The following FAM193A variants were observed in gnomAD, a reference collection of about 807,000 sequenced individuals.
FAM193A encodes the protein protein FAM193A.
FAM193A carries 22 observed loss-of-function variants against 126.5 expected under a neutral mutation model. The ratio of observed to expected loss-of-function variants is 0.17; its 90% CI spans 0.12 to 0.25. The LOEUF (loss-of-function observed/expected upper bound fraction) is 0.25. Ranked by LOEUF, FAM193A falls within the 10% of genes least tolerant of loss-of-function variation. The probability of loss-of-function intolerance (pLI) is 1.00; values close to 1 mark genes in which losing one functional copy is unlikely to be tolerated. For synonymous variants in FAM193A, 761 were observed against 646.8 expected (o/e 1.18, Z -2.68); for missense variants, 1,675 against 1,672.8 (o/e 1.00, Z -0.02).
intron 1 of FAM193A, among the ~76,000 whole-genome samples, chr4:2,589,991 C>T (rs567232420): frequency 1.5e-3 from 224 of 151,598 alleles, no homozygotes; most frequent in Non-Finnish European, 2.1e-3. Flanking sequence ...AAAAACTAGC[C>T]GGGCATGGTG....
intron 5 of FAM193A, among the ~76,000 whole-genome samples, chr4:2,638,765 A>G (rs974298786): frequency 1.3e-5 from 2 of 152,180 alleles, no homozygotes; most frequent in African/African-American, 2.4e-5. Context: ...CATACCAACT[A>G]GGGTTATTAG....
chr4:2,653,605 G>A (rs549484638), intron 7 of FAM193A, among the ~76,000 whole-genome samples: 79 of 152,062 alleles, frequency 5.2e-4, no homozygotes, highest in Non-Finnish European at 9.6e-4. Context: ...CACCACGCCC[G>A]GCTAATTTTT....
chr4:2,603,148 A>G (rs1393489778), intron 2 of FAM193A, among the ~76,000 whole-genome samples: 1 of 145,816 alleles, frequency 6.9e-6, no homozygotes, highest in Non-Finnish European at 1.5e-5. Flanking sequence ...TTGTGTGTAT[A>G]TATATATGTA....
intron 1 of FAM193A, among the ~76,000 whole-genome samples, chr4:2,575,401 G>T (rs950776040): frequency 6.6e-6 from 1 of 152,036 alleles, no homozygotes; most frequent in Non-Finnish European, 1.5e-5. Context: ...TTTTGAAGAT[G>T]CAGTTTATTA....
intron 1 of FAM193A, among the ~76,000 whole-genome samples, chr4:2,565,070 G>A (rs897802886): frequency 4.5e-4 from 69 of 151,970 alleles, no homozygotes; most frequent in African/African-American, 1.5e-3. Context: ...AAGTACTGGG[G>A]GAGTATAGGA....
In FAM193A at chr4:2,700,284, C is replaced by T. The variant is rs367937347; in HGVS notation, c.4112C>T (p.Thr1371Ile). The change falls in exon 19 of 21, where the codon ACT (threonine) becomes ATT (isoleucine). Residue 1371 changes from threonine (T) to isoleucine (I), a missense_variant. Coordinates refer to ENST00000637812, the MANE Select transcript of FAM193A (RefSeq NM_001366318.2). ...TEGQSKPRAQTESKAKVVDLM... is the reference protein window; with the variant it reads ...TEGQSKPRAQIESKAKVVDLM... ...GGGCAGTCCAAGCCCCGGGCCCAGA[C>T]TGAGTCAAAGGCTAAGGTGGTCGAC... 1.4e-5 allele frequency: 22 copies of T among 1,613,994 alleles called. No homozygotes were observed. The African/African-American group carries it at 2.8e-4, about 21-fold the overall frequency.
At chr4:2,612,978 A>G (rs935780333) in intron 2 of FAM193A, among the ~76,000 whole-genome samples, 26 of 152,224 alleles carry the variant, frequency 1.7e-4, no homozygotes, top group African/African-American at 6.3e-4. Context: ...TTTAACTGGC[A>G]TTGTGTTGAC....
intron 20 of FAM193A, among the ~76,000 whole-genome samples, chr4:2,723,542 C>G (rs537518923): frequency 5.3e-5 from 8 of 151,324 alleles, no homozygotes; most frequent in African/African-American, 1.7e-4. Flanking sequence ...CCACTGCACT[C>G]CAGCCTGGGC....
chr4:2,608,274 G>A (rs1452592316), intron 2 of FAM193A: 4 of 663,434 alleles, frequency 6.0e-6, no homozygotes, highest in Non-Finnish European at 1.0e-5. Context: ...CACCTCCTGT[G>A]TTCAAGCAAC....
chr4:2,618,841 C>T (rs774637206), intron 2 of FAM193A, among the ~76,000 whole-genome samples: 1 of 151,766 alleles, frequency 6.6e-6, no homozygotes, highest in Non-Finnish European at 1.5e-5. Flanking sequence ...GTGATCTGCC[C>T]ACCCTCGGCC....
chr4:2,731,194 CTCA>C (rs1721338567), intron 20 of FAM193A, among the ~76,000 whole-genome samples: 4 of 67,004 alleles, frequency 6.0e-5, no homozygotes, highest in African/African-American at 2.7e-4. Flanking sequence ...GAAACTCCTT[CTCA>C]AAAAAAAAAA....
intron 20 of FAM193A, among the ~76,000 whole-genome samples, chr4:2,727,305 G>A (rs1720871824): frequency 6.6e-6 from 1 of 152,186 alleles, no homozygotes; most frequent in Admixed American, 6.5e-5. Context: ...ACTGGTGCAT[G>A]AAGGTGAGTT....
At chr4:2,584,525 C>T (rs551941271) in intron 1 of FAM193A, among the ~76,000 whole-genome samples, 1 of 151,904 alleles carries the variant, frequency 6.6e-6, no homozygotes, top group East Asian at 1.9e-4. Context: ...ATTAATTTGA[C>T]CCCTGGTATA....
In FAM193A at chr4:2,695,128, G is replaced by A. The variant is rs764815838; in HGVS notation, c.3275G>A (p.Gly1092Glu). 8.1e-6 allele frequency: 13 copies of A among 1,595,534 alleles called. No homozygotes were observed. The highest frequency in any genetic ancestry group is 1.7e-4 in the Middle Eastern group (1 of 5,984). The change falls in exon 17 of 21, where the codon GGG becomes GAG. Residue 1092 changes from glycine (G) to glutamate (E), a missense_variant and splice_region_variant. Gly to Glu is a moderately conservative substitution (Grantham distance 98). This residue lies in a region of FAM193A where 54 missense variants were observed against 114.8 expected (regional missense o/e 0.47). Transcript: ENST00000637812. ...TACTGCGAATTCTTTGGGCACGGCG[G>A]GGTGAGTGCATGAGGTCAGCGCATC... is the stretch of plus-strand genomic sequence containing the variant. Reference protein sequence around the residue: ...CCYCEFFGHGGPPAAPTSRNY... With the variant: ...CCYCEFFGHGEPPAAPTSRNY...
intron 13 of FAM193A, among the ~76,000 whole-genome samples, chr4:2,675,421 A>G (rs34270938): frequency 0.063 from 9,545 of 152,180 alleles, 457 homozygotes; most frequent in African/African-American, 0.12. Context: ...ACAAAGTTTG[A>G]TACTCTGTTA....
intron 13 of FAM193A, among the ~76,000 whole-genome samples, chr4:2,684,166 C>G (rs1484039482): frequency 6.6e-6 from 1 of 152,172 alleles, no homozygotes. Context: ...AGTTGTCTCT[C>G]TCAGCCTCTG....
At chr4:2,537,598 T>C (rs1483443467) in intron 1 of FAM193A, among the ~76,000 whole-genome samples, 1 of 152,220 alleles carries the variant, frequency 6.6e-6, no homozygotes, top group Non-Finnish European at 1.5e-5. Flanking sequence ...GCTGCGGCGG[T>C]TCCAGAGCGA....
At chr4:2,559,941 G>A (rs1235577803) in intron 1 of FAM193A, among the ~76,000 whole-genome samples, 11 of 151,750 alleles carry the variant, frequency 7.2e-5, no homozygotes, top group Admixed American at 5.9e-4. Context: ...CTTTGTGCAC[G>A]CTTTTCTTTT....
chr4:2,577,412 T>G (rs962857677), intron 1 of FAM193A, among the ~76,000 whole-genome samples: 2 of 124,148 alleles, frequency 1.6e-5, no homozygotes, highest in African/African-American at 3.3e-5. Context: ...ATTAAAGTGG[T>G]TTTTTTTTTG....
Sources: gnomAD v4.1 joint callset for allele counts (sites outside exome capture counted in the v4.1 genomes callset) on GRCh38, gnomAD v4.1.1 for gene constraint, gnomAD v4.1.1 regional missense constraint, MANE v1.5 for transcripts, NCBI Gene and HGNC (gene_info 2026-07-23, HGNC 2026-07-21) for gene names.